Variants in OCM observed in about 807,000 individuals in gnomAD.
OCM encodes the protein oncomodulin-1.
OCM carries 18 observed loss-of-function variants against 14.1 expected under a neutral mutation model. The ratio of observed to expected loss-of-function variants is 1.28; its 90% CI spans 0.88 to 1.89. The LOEUF (loss-of-function observed/expected upper bound fraction) is 1.89, where lower values mean the gene tolerates loss of function less well. Among genes scored for constraint, OCM ranks in the 40% most tolerant of loss-of-function variants. OCM has a pLI of 0.00. For missense variants in OCM, 140 were observed against 137.6 expected, an observed-to-expected ratio of 1.02 and a Z score of -0.09; for synonymous variants, 48 against 51.0, an observed-to-expected ratio of 0.94 and a Z score of 0.25.
chr7:5,885,213 C>G (rs1298819447), intron 3 of OCM, among the ~76,000 whole-genome samples: 1 of 151,764 alleles, frequency 6.6e-6, no homozygotes. Flanking sequence ...TTATATCAAT[C>G]TGTAACATCC....
chr7:5,869,672 C>T, the OCM span, among the ~76,000 whole-genome samples: 3 of 152,114 alleles, frequency 2.0e-5, no homozygotes, highest in East Asian at 5.8e-4. Context: ...CCCACCTGCA[C>T]CCTTCTCCAG....
chr7:5,870,094 TTTTTA>T, the OCM span, among the ~76,000 whole-genome samples: 1,253 of 151,634 alleles, frequency 8.3e-3, 21 homozygotes, highest in East Asian at 0.034. Flanking sequence ...GCAGAATCAT[TTTTTA>T]TTTTATTTTA....
chr7:5,864,346 CAAA>C, the OCM span, among the ~76,000 whole-genome samples: 16 of 121,758 alleles, frequency 1.3e-4, no homozygotes, highest in Admixed American at 1.6e-4. Context: ...GACCTTGTCT[CAAA>C]AAAAAAAAAA....
At chr7:5,871,445 G>C in the OCM span, among the ~76,000 whole-genome samples, 1 of 151,840 alleles carries the variant, frequency 6.6e-6, no homozygotes, top group Admixed American at 6.6e-5. Flanking sequence ...ACCTCCCAAA[G>C]TGCTGAGATT....
At chr7:5,872,269 C>T in the OCM span, among the ~76,000 whole-genome samples, 2 of 152,218 alleles carry the variant, frequency 1.3e-5, no homozygotes, top group African/African-American at 2.4e-5. Context: ...TTCATTTCAT[C>T]GGGAAACACA....
chr7:5,876,468 G>C (rs995705252), upstream of OCM, among the ~76,000 whole-genome samples: 2 of 152,100 alleles, frequency 1.3e-5, no homozygotes, highest in Admixed American at 1.3e-4. Context: ...ACTTCTTTAA[G>C]GGGCTGGGCG....
chr7:5,860,488 TG>T, the OCM span, among the ~76,000 whole-genome samples: 4 of 141,294 alleles, frequency 2.8e-5, no homozygotes, highest in East Asian at 2.1e-4. Flanking sequence ...TATATATACG[TG>T]TATATATATA....
chr7:5,868,083 C>T, the OCM span, among the ~76,000 whole-genome samples: 54 of 151,610 alleles, frequency 3.6e-4, 1 homozygote, highest in East Asian at 9.4e-3. Flanking sequence ...TTTTTTTCTT[C>T]GGTGTCTAAT....
chr7:5,882,135 T>C (rs1781231891), intron 1 of OCM, among the ~76,000 whole-genome samples: 1 of 146,952 alleles, frequency 6.8e-6, no homozygotes, highest in Non-Finnish European at 1.5e-5. Context: ...AAAGGCCATT[T>C]AGCCTGTTGA....
the OCM span, among the ~76,000 whole-genome samples, chr7:5,864,332 G>T: frequency 0.016 from 2,341 of 146,462 alleles, 49 homozygotes; most frequent in African/African-American, 0.056. Flanking sequence ...GGGTGACAGG[G>T]GGAGACCTTG....
the OCM span, among the ~76,000 whole-genome samples, chr7:5,865,269 C>T: frequency 3.9e-5 from 6 of 152,234 alleles, no homozygotes; most frequent in South Asian, 8.3e-4. Context: ...AATTATTAAG[C>T]GCCTGGGTGT....
upstream of OCM, among the ~76,000 whole-genome samples, chr7:5,879,466 A>C (rs1223791619): frequency 6.6e-6 from 1 of 152,116 alleles, no homozygotes; most frequent in Admixed American, 6.6e-5. Context: ...CTCCAGACTG[A>C]GGTCAGCCTT....
intron 1 of OCM, among the ~76,000 whole-genome samples, chr7:5,882,120 G>C (rs10250370): frequency 2.2e-5 from 2 of 91,762 alleles, no homozygotes; most frequent in African/African-American, 4.0e-5. Flanking sequence ...AAAAAAAAAA[G>C]CGCCAAAGGC....
the OCM span, among the ~76,000 whole-genome samples, chr7:5,869,378 A>G: frequency 6.6e-6 from 1 of 152,038 alleles, no homozygotes; most frequent in Non-Finnish European, 1.5e-5. Context: ...CAGGTGGATC[A>G]CTTGAGGTCA....
In OCM at chr7:5,882,514, A is replaced by G; in HGVS notation, c.83A>G (p.Gln28Arg). ...TCAGACCCAGACACTTTTGAACCCC[A>G]AAAATTCTTCCAGACATCAGGCCTC... ...ECRDPDTFEP[Q>R]KFFQTSGLSK... The change falls in exon 2 of 4, where the codon CAA (glutamine) becomes CGA (arginine). Residue 28 changes from glutamine (Q) to arginine (R), a missense_variant. Gln to Arg is a conservative substitution (Grantham distance 43). Coordinates refer to ENST00000242104, the MANE Select transcript of OCM (RefSeq NM_001097622.2). 2.5e-6 allele frequency: 4 copies of G among 1,614,142 alleles called. No homozygotes were observed. The highest frequency in any genetic ancestry group is 3.4e-6 in the Non-Finnish European group (4 of 1,179,988).
chr7:5,874,289 G>A, the OCM span, among the ~76,000 whole-genome samples: 45 of 150,284 alleles, frequency 3.0e-4, no homozygotes, highest in African/African-American at 1.0e-3. Flanking sequence ...TTCTTTCCTG[G>A]GAGCAATTAG....
chr7:5,881,758 G>A (rs1294431375), intron 1 of OCM, among the ~76,000 whole-genome samples: 3 of 152,056 alleles, frequency 2.0e-5, no homozygotes, highest in Admixed American at 6.6e-5. Flanking sequence ...TTACACATCT[G>A]TAAGACAAAA....
At chr7:5,872,353 G>C in the OCM span, among the ~76,000 whole-genome samples, 10 of 152,158 alleles carry the variant, frequency 6.6e-5, no homozygotes, top group African/African-American at 1.9e-4. Context: ...TTCGTCTCAC[G>C]AAGGAGCTTG....
chr7:5,859,947 C>G, the OCM span, among the ~76,000 whole-genome samples: 3 of 152,092 alleles, frequency 2.0e-5, no homozygotes, highest in Non-Finnish European at 2.9e-5. Flanking sequence ...CTTGGCCTCT[C>G]AAAGTGCTGG....
Sources: allele counts gnomAD v4.1 joint callset (sites outside exome capture counted in the v4.1 genomes callset), GRCh38; gene constraint gnomAD v4.1.1; transcripts MANE v1.5; gene names NCBI Gene and HGNC (gene_info 2026-07-23, HGNC 2026-07-21).